IKZF2: variants seen among roughly 807,000 people sequenced by gnomAD.
IKZF2 encodes IKAROS family zinc finger 2.
IKZF2 carries 15 observed loss-of-function variants against 49.2 expected under a neutral mutation model. The observed-to-expected ratio is 0.30, with a 90% CI of 0.20 to 0.47. IKZF2 has a LOEUF of 0.47. IKZF2 is among the 20% of genes least tolerant of loss of function. IKZF2 has a pLI of 1.00. For synonymous variants in IKZF2, 227 were observed against 221.4 expected, an observed-to-expected ratio of 1.03 and a Z score of -0.23; for missense variants, 567 against 664.6, an observed-to-expected ratio of 0.85 and a Z score of 1.61.
At position 213,013,138 on chromosome 2, in the gene IKZF2, A is replaced by G. The variant is rs540347125; in HGVS notation, c.856+653T>C. On this transcript the variant is annotated intron_variant, in intron 8 of 8. Coordinates refer to ENST00000434687, the MANE Select transcript of IKZF2 (RefSeq NM_001387220.1). The stretch of plus-strand genomic sequence containing the variant: ...TCATAGGCTGGATGAAAAAACAAAG[A>G]TTAAAATATGAAATAAAGATCCAAA... 2.0e-5 allele frequency among the ~76,000 whole-genome samples: 3 copies of G among 152,076 alleles called. No individual in the cohort carries two copies. The South Asian group carries it at 6.2e-4, about 32-fold the overall frequency.
At chr2:213,078,270 C>T (rs1399292311) in intron 4 of IKZF2, among the ~76,000 whole-genome samples, 1 of 152,156 alleles carries the variant, frequency 6.6e-6, no homozygotes, top group Non-Finnish European at 1.5e-5. Flanking sequence ...AATGTACTTT[C>T]TATTTTTAAC....
Position 213,099,803 on chromosome 2 carries a change from G to C in IKZF2, c.140-42704C>G, listed in dbSNP as rs115613588. ...CCTTAGCTCGGCATCTCTAAAATGA[G>C]GGTAATAAGGAACCTATCCCGTTGT... On this transcript the variant is annotated intron_variant, in intron 4 of 8. Transcript: ENST00000434687. Among the ~76,000 whole-genome samples, 489 of 152,144 alleles carry C rather than the reference G, an allele frequency of 3.2e-3. 4 individuals carry two copies. The highest frequency in any genetic ancestry group is 0.011 in the African/African-American group (454 of 41,540).
At chr2:213,099,560 C>T (rs1017933641) in intron 4 of IKZF2, among the ~76,000 whole-genome samples, 12 of 152,146 alleles carry the variant, frequency 7.9e-5, no homozygotes, top group Non-Finnish European at 5.9e-5. Flanking sequence ...GAGCTTTCCT[C>T]TTCTAGCTCT....
At chr2:213,121,553 T>C (rs1462960744) in intron 4 of IKZF2, among the ~76,000 whole-genome samples, 1 of 152,230 alleles carries the variant, frequency 6.6e-6, no homozygotes, top group Non-Finnish European at 1.5e-5. Context: ...ATATTCTTTC[T>C]AACATTCATT....
intron 6 of IKZF2, among the ~76,000 whole-genome samples, chr2:213,023,282 A>G (rs945794068): frequency 6.6e-6 from 1 of 152,208 alleles, no homozygotes; most frequent in African/African-American, 2.4e-5. Flanking sequence ...TACTATAACA[A>G]GGCAAGGTAT....
Position 213,072,937 on chromosome 2 carries a change from A to T in IKZF2, c.140-15838T>A, listed in dbSNP as rs575823642. Among the ~76,000 whole-genome samples the T allele has an allele frequency of 1.0e-3, 153 of 152,234 alleles. 1 individual carries two copies. The highest frequency in any genetic ancestry group is 3.4e-3 in the African/African-American group (143 of 41,552). ...CTGCTTAAGCTTCTTCAATACTCTC[A>T]AATGATGGTCAATCAATGTTTCCCT... On this transcript the variant is annotated intron_variant, in intron 4 of 8. Coordinates refer to ENST00000434687, the MANE Select transcript of IKZF2 (RefSeq NM_001387220.1).
At position 213,000,789 on chromosome 2, in the gene IKZF2, T is replaced by G. The variant is rs1385556568; in HGVS notation, c.*6571A>C. ...TAAAAGGGGAGAAGTAAAATAAAAA[T>G]ATTAAGTATTAGGTTCTTAATTTAG... On this transcript the variant is annotated 3_prime_UTR_variant, in exon 9 of 9. Transcript: ENST00000434687. 1 of 151,796 alleles carries G rather than the reference T, an allele frequency of 6.6e-6. No individual in the cohort carries two copies. Among genetic ancestry groups the G allele is most frequent in the South Asian group, 2.1e-4 (1 of 4,828 alleles). 9.4% of individuals were successfully genotyped at this position (151,796 alleles called of 1,614,324 possible).
At chr2:213,049,316 A>T (rs1700461014) in intron 6 of IKZF2, among the ~76,000 whole-genome samples, 1 of 152,120 alleles carries the variant, frequency 6.6e-6, no homozygotes, top group African/African-American at 2.4e-5. Flanking sequence ...TGAGCACTGT[A>T]TCAGTCAAAA....
At chr2:213,108,553 CT>C (rs1335373550) in intron 4 of IKZF2, among the ~76,000 whole-genome samples, 1 of 152,094 alleles carries the variant, frequency 6.6e-6, no homozygotes, top group African/African-American at 2.4e-5. Flanking sequence ...GGTAGTGTTA[CT>C]TTACCAAAAT....
intron 4 of IKZF2, among the ~76,000 whole-genome samples, chr2:213,066,631 G>T (rs1252103329): frequency 6.6e-6 from 1 of 152,018 alleles, no homozygotes; most frequent in Admixed American, 6.6e-5. Context: ...GGTGATTAAG[G>T]GGAATTAAAG....
chr2:213,012,557 G>A (rs1375605467), intron 8 of IKZF2, among the ~76,000 whole-genome samples: 1 of 151,798 alleles, frequency 6.6e-6, no homozygotes, highest in Non-Finnish European at 1.5e-5. Flanking sequence ...CCAAAGGCCT[G>A]AGGCAGTCCT....
chr2:213,024,422 A>G (rs1341223556), intron 6 of IKZF2, among the ~76,000 whole-genome samples: 1 of 152,188 alleles, frequency 6.6e-6, no homozygotes, highest in Non-Finnish European at 1.5e-5. Flanking sequence ...TGCAACTGAC[A>G]GTCTGGTGAG....
intron 6 of IKZF2, among the ~76,000 whole-genome samples, chr2:213,037,210 T>C (rs1427587885): frequency 6.6e-6 from 1 of 152,216 alleles, no homozygotes. Context: ...CTAAGAATCT[T>C]GTCCATTTCT....
chr2:213,024,570 G>C (rs1233811194), intron 6 of IKZF2, among the ~76,000 whole-genome samples: 1 of 152,132 alleles, frequency 6.6e-6, no homozygotes, highest in Admixed American at 6.6e-5. Flanking sequence ...TTTGAAGTAG[G>C]AACATTTCAG....
In IKZF2 at chr2:213,036,437, A is replaced by G. The variant is rs926757859; in HGVS notation, c.574+13276T>C. ...TTTTTAATTTTTGTAATAGACTAAT[A>G]CTTATCATGTACTAGGAAACATACT... On this transcript the variant is annotated intron_variant, in intron 6 of 8. Transcript: ENST00000434687. Among the ~76,000 whole-genome samples the G allele has an allele frequency of 3.9e-5, 6 of 152,298 alleles. No individual in the cohort carries two copies. The East Asian group carries it at 1.2e-3, about 29-fold the overall frequency.
intron 4 of IKZF2, among the ~76,000 whole-genome samples, chr2:213,107,425 C>A (rs1485125220): frequency 6.6e-6 from 1 of 152,134 alleles, no homozygotes; most frequent in African/African-American, 2.4e-5. Context: ...ATTTTAAGTA[C>A]GTGTACATAC....
At chr2:213,121,344 G>A (rs1196313929) in intron 4 of IKZF2, among the ~76,000 whole-genome samples, 1 of 152,176 alleles carries the variant, frequency 6.6e-6, no homozygotes, top group African/African-American at 2.4e-5. Flanking sequence ...ATTTGTACAA[G>A]CGCATTTAAA....
rs1372797509 is a variant in IKZF2, at chr2:213,150,704, G to GC, written c.-119-458_-119-457insG. 1.5e-3 allele frequency among the ~76,000 whole-genome samples: 172 copies of GC among 112,696 alleles called. 3 individuals carry two copies. The highest frequency in any genetic ancestry group is 5.0e-3 in the African/African-American group (163 of 32,706). The allele number at this position is 112,696 out of a possible 152,430, so 73.9% of individuals were successfully genotyped here. A position where few individuals can be genotyped will look rare whatever the true frequency, so the allele number is the denominator to read the frequency against. On this transcript the variant is annotated intron_variant, in intron 1 of 8. Transcript: ENST00000434687. ...TAAGACAAGAAAACTGAAAGAAAAG[G>GC]GGGGGGGGGCGGGTAGAGGGGAGGG... is the stretch of plus-strand genomic sequence containing the variant.
At chr2:213,056,531 A>C in intron 5 of IKZF2, 4 of 473,536 alleles carry the variant, frequency 8.4e-6, no homozygotes, top group South Asian at 8.4e-5. Flanking sequence ...TAGAAATACA[A>C]AAAGATTAAG....
Sources: gnomAD v4.1 joint callset for allele counts (sites outside exome capture counted in the v4.1 genomes callset) on GRCh38, gnomAD v4.1.1 for gene constraint, MANE v1.5 for transcripts, NCBI Gene and HGNC (gene_info 2026-07-23, HGNC 2026-07-21) for gene names.